The following HNRNPD variants were observed in gnomAD, a reference collection of about 807,000 sequenced individuals.
HNRNPD encodes heterogeneous nuclear ribonucleoprotein D.
A neutral mutation model predicts 47.9 loss-of-function variants in HNRNPD; 3 were observed. The observed-to-expected ratio is 0.06, with a 90% CI of 0.03 to 0.16. The LOEUF is 0.16. Ranked by LOEUF, HNRNPD falls within the 10% of genes least tolerant of loss-of-function variation. The pLI is 1.00. For missense variants in HNRNPD, 287 were observed against 454.2 expected (o/e 0.63, Z 3.35); for synonymous variants, 171 against 165.1 (o/e 1.04, Z -0.28).
At chr4:82,361,359 G>A (rs1401474199) in intron 2 of HNRNPD, among the ~76,000 whole-genome samples, 1 of 152,148 alleles carries the variant, frequency 6.6e-6, no homozygotes, top group African/African-American at 2.4e-5. Context: ...AAAGAGAACT[G>A]ACTATAAAGC....
Position 82,373,828 on chromosome 4 carries a change from G to A in HNRNPD, c.-150C>T. ...GGAAGGCGCGCGCGTGGCTGCAAAG[G>A]CTCCTGCGCCTCTCCCTGGCCTGCC... On this transcript the variant is annotated 5_prime_UTR_variant, in exon 1 of 9. Coordinates refer to ENST00000313899, the MANE Select transcript of HNRNPD (RefSeq NM_031370.3). The A allele has an allele frequency of 6.8e-7, 1 of 1,473,472 alleles. No homozygotes were observed. The highest frequency in any genetic ancestry group is 1.3e-5 in the South Asian group (1 of 77,648). 91.3% of individuals were successfully genotyped at this position (1,473,472 alleles called of 1,614,324 possible). A position where few individuals can be genotyped will look rare whatever the true frequency, so the allele number is the denominator to read the frequency against.
intron 8 of HNRNPD, chr4:82,354,973 G>A (rs749452586): frequency 6.6e-6 from 2 of 305,176 alleles, no homozygotes; most frequent in Admixed American, 5.0e-5. Flanking sequence ...TGAAGTCAGC[G>A]CGACACAGGG....
intron 2 of HNRNPD, among the ~76,000 whole-genome samples, chr4:82,370,179 G>C (rs1719966810): frequency 6.6e-6 from 1 of 152,120 alleles, no homozygotes; most frequent in South Asian, 2.1e-4. Flanking sequence ...TTTATTTTCA[G>C]TAAATGACAG....
chr4:82,358,623 T>A (rs771327814), intron 4 of HNRNPD, 36 bp downstream of exon 4: 1 of 1,579,340 alleles, frequency 6.3e-7, no homozygotes, highest in Non-Finnish European at 8.6e-7. Context: ...TCACACTAAT[T>A]TTGACATAAA....
intron 2 of HNRNPD, among the ~76,000 whole-genome samples, chr4:82,370,732 T>C (rs1328269689): frequency 6.6e-6 from 1 of 152,188 alleles, no homozygotes; most frequent in East Asian, 1.9e-4. Context: ...TACTCTCCAG[T>C]GGTGGTGTAT....
At chr4:82,362,873 T>C (rs1578050991) in intron 2 of HNRNPD, among the ~76,000 whole-genome samples, 1 of 152,166 alleles carries the variant, frequency 6.6e-6, no homozygotes, top group East Asian at 1.9e-4. Flanking sequence ...CTGCTGGGAT[T>C]ACAGGCGGAA....
At position 82,373,979 on chromosome 4, in the gene HNRNPD, T is replaced by A; in HGVS notation, c.-301A>T. ...TTTAATGGCGCCGCCGCGGACCACCTAAAATGGCCGACGGAAGAACGGCGC... is the reference window on the plus strand; with the variant it reads ...TTTAATGGCGCCGCCGCGGACCACCAAAAATGGCCGACGGAAGAACGGCGC... On this transcript the variant is annotated 5_prime_UTR_variant, in exon 1 of 9. Coordinates refer to ENST00000313899, the MANE Select transcript of HNRNPD (RefSeq NM_031370.3). 1.6e-6 allele frequency: 1 copy of A among 620,646 alleles called. No individual in the cohort carries two copies. Among genetic ancestry groups the A allele is most frequent in the Non-Finnish European group, 2.6e-6 (1 of 384,778 alleles). 38.4% of individuals were successfully genotyped at this position (620,646 alleles called of 1,614,324 possible).
chr4:82,373,884 A>ACTCC lies in HNRNPD; in HGVS notation c.-210_-207dup. On this transcript the variant is annotated 5_prime_UTR_variant, in exon 1 of 9. Coordinates refer to ENST00000313899, the MANE Select transcript of HNRNPD (RefSeq NM_031370.3). Reference sequence around the variant, plus strand: ...CGCCTCCCACTCTCGCGCGGCGCACACTCCCGCTCTCTCCCGCTGCACTAA... The same window carrying ACTCC: ...CGCCTCCCACTCTCGCGCGGCGCACACTCCCTCCCGCTCTCTCCCGCTGCACTAA... 1 of 1,173,262 alleles carries ACTCC rather than the reference A, an allele frequency of 8.5e-7. No individual in the cohort carries two copies. The allele number at this position is 1,173,262 out of a possible 1,614,324, so 72.7% of individuals were successfully genotyped here.
chr4:82,366,315 C>T (rs912642001), intron 2 of HNRNPD, among the ~76,000 whole-genome samples: 1 of 152,210 alleles, frequency 6.6e-6, no homozygotes, highest in African/African-American at 2.4e-5. Flanking sequence ...GCGATCTTGG[C>T]TCACTGCAAC....
intron 2 of HNRNPD, among the ~76,000 whole-genome samples, chr4:82,370,844 C>T (rs898800950): frequency 1.3e-5 from 2 of 152,010 alleles, no homozygotes; most frequent in African/African-American, 4.8e-5. Flanking sequence ...TACCAGCCTC[C>T]AAAGAGAAGT....
chr4:82,373,245 G>C (rs1720172738), intron 1 of HNRNPD: 1 of 752,830 alleles, frequency 1.3e-6, no homozygotes, highest in Non-Finnish European at 2.3e-6. Context: ...GTGTGATGGG[G>C]GAGGGGGGCG....
At chr4:82,368,076 A>G (rs761289443) in intron 2 of HNRNPD, among the ~76,000 whole-genome samples, 27 of 152,298 alleles carry the variant, frequency 1.8e-4, no homozygotes, top group Admixed American at 1.0e-3. Context: ...TTGGACTAAC[A>G]TAAGTTATGT....
chr4:82,365,652 T>A (rs1056539089), intron 2 of HNRNPD, among the ~76,000 whole-genome samples: 2 of 152,076 alleles, frequency 1.3e-5, no homozygotes, highest in Admixed American at 1.3e-4. Context: ...ATTGCCAGGC[T>A]GTGGTGCAAT....
Position 82,373,506 on chromosome 4 carries a change from C to T in HNRNPD, c.173G>A (p.Gly58Glu). The change falls in exon 1 of 9, where the codon GGG (glycine) becomes GAG (glutamate). Residue 58 changes from glycine to glutamate, a missense_variant. By Grantham distance (98) the Gly-to-Glu change is moderately conservative (BLOSUM62 -2). Coordinates refer to ENST00000313899, the MANE Select transcript of HNRNPD (RefSeq NM_031370.3). ...CGCCCCCTCCGACTCGGCGCTGCCC[C>T]CTTCGGTGCCTCCAGACGCGGTTCC... ...GGGTASGGTE[G>E]GSAESEGAKI... 6.5e-7 allele frequency: 1 copy of T among 1,548,868 alleles called. No individual in the cohort carries two copies. Among genetic ancestry groups the T allele is most frequent in the Non-Finnish European group, 8.7e-7 (1 of 1,145,844 alleles).
intron 5 of HNRNPD, 123 bp from the exon 6 acceptor site, chr4:82,357,018 T>A: frequency 1.2e-6 from 1 of 862,282 alleles, no homozygotes. Flanking sequence ...CTTTCCTCAG[T>A]CAGTTTATTA....
chr4:82,369,479 T>C (rs1030417982), intron 2 of HNRNPD, among the ~76,000 whole-genome samples: 1 of 152,226 alleles, frequency 6.6e-6, no homozygotes, highest in Non-Finnish European at 1.5e-5. Flanking sequence ...CCAACTGATT[T>C]TTAAAGTATT....
chr4:82,365,538 G>A (rs1209127229), intron 2 of HNRNPD, among the ~76,000 whole-genome samples: 1 of 151,776 alleles, frequency 6.6e-6, no homozygotes, highest in African/African-American at 2.4e-5. Flanking sequence ...CCTTGGGAGA[G>A]AGCTTGACAA....
chr4:82,372,852 G>A (rs773388572), intron 1 of HNRNPD, among the ~76,000 whole-genome samples: 4 of 152,164 alleles, frequency 2.6e-5, no homozygotes, highest in Non-Finnish European at 5.9e-5. Flanking sequence ...GCGTATGGTG[G>A]AGAAAATGAG....
rs1578046907 is a variant in HNRNPD, at chr4:82,357,516, G to A, written c.622-72C>T. The A allele has an allele frequency of 3.0e-6, 4 of 1,326,354 alleles. No individual in the cohort carries two copies. The East Asian group carries it at 7.3e-5, about 24-fold the overall frequency. 82.2% of individuals were successfully genotyped at this position (1,326,354 alleles called of 1,614,324 possible). A position where few individuals can be genotyped will look rare whatever the true frequency, so the allele number is the denominator to read the frequency against. On this transcript the variant is annotated intron_variant, in intron 4 of 8. Transcript: ENST00000313899. ...ACCTTAAAAGAAACACAAGTTTAGA[G>A]GGGGGAAAACACACAAAGAAAACAT...
Sources: allele counts gnomAD v4.1 joint callset (sites outside exome capture counted in the v4.1 genomes callset), GRCh38; gene constraint gnomAD v4.1.1; transcripts MANE v1.5; gene names NCBI Gene and HGNC (gene_info 2026-07-23, HGNC 2026-07-21).